SCUBE2: variants seen among roughly 807,000 people sequenced by gnomAD.
SCUBE2 encodes signal peptide, CUB domain and EGF like domain containing 2.
A neutral mutation model predicts 125.9 loss-of-function variants in SCUBE2; 114 were observed. The observed-to-expected ratio is 0.91, with a 90% CI of 0.78 to 1.06. The LOEUF (loss-of-function observed/expected upper bound fraction) is 1.06, where lower values mean the gene tolerates loss of function less well. Ranked by LOEUF, SCUBE2 falls within the 50% of genes least tolerant of loss-of-function variation. The pLI, the probability that SCUBE2 is intolerant of heterozygous loss-of-function variation, is 0.00. For synonymous variants in SCUBE2, 459 were observed against 492.9 expected (o/e 0.93, Z 0.91); for missense variants, 1,255 against 1,301.8 (o/e 0.96, Z 0.55).
intron 7 of SCUBE2, chr11:9,064,578 G>C (rs1432410117): frequency 6.6e-6 from 1 of 152,034 alleles, no homozygotes; most frequent in Non-Finnish European, 1.5e-5. Context: ...TCGAAGAATT[G>C]ACTATTGTTG....
chr11:9,061,755 T>C (rs1859709261), intron 7 of SCUBE2, among the ~76,000 whole-genome samples: 1 of 152,118 alleles, frequency 6.6e-6, no homozygotes, highest in South Asian at 2.1e-4. Context: ...AGATAAAAGA[T>C]GTCAAACATT....
intron 2 of SCUBE2, among the ~76,000 whole-genome samples, chr11:9,085,967 G>C (rs1019407303): frequency 6.6e-6 from 1 of 151,942 alleles, no homozygotes; most frequent in Admixed American, 6.5e-5. Flanking sequence ...GGAGTAGCTA[G>C]TACTATAGGC....
rs1589979053 is a variant in SCUBE2 at position 9,021,937 on chromosome 11, A to G, written c.2873T>C (p.Ile958Thr). Residue 958 changes from isoleucine (I) to threonine (T), a missense_variant, in exon 22 of 23, where the codon ATT (isoleucine) becomes ACT (threonine). This residue lies in a region of SCUBE2 where 515 missense variants were observed against 515.7 expected (regional missense o/e 1.00). Coordinates refer to ENST00000649792, the MANE Select transcript of SCUBE2 (RefSeq NM_001367977.2). ...VTYDEDYQELIEDIVRDGRLY... is the reference protein window; with the variant it reads ...VTYDEDYQELTEDIVRDGRLY... ...CCTGCCATCTCGAACTATGTCTTCA[A>G]TGAGTTCCTGGTAGTCCTCTGTTGG... 3.1e-6 allele frequency: 5 copies of G among 1,613,560 alleles called. No individual in the cohort carries two copies. The highest frequency in any genetic ancestry group is 4.2e-6 in the Non-Finnish European group (5 of 1,179,440).
intron 7 of SCUBE2, chr11:9,064,847 G>C (rs1486428929): frequency 6.6e-6 from 1 of 152,158 alleles, no homozygotes; most frequent in South Asian, 2.1e-4. Flanking sequence ...GGTTGAGCCA[G>C]ACTTTCTCCA....
chr11:9,081,263 A>G (rs1436410506), intron 2 of SCUBE2, among the ~76,000 whole-genome samples: 1 of 152,208 alleles, frequency 6.6e-6, no homozygotes, highest in Non-Finnish European at 1.5e-5. Context: ...TTGTGAAACC[A>G]TCACCACTAT....
At chr11:9,045,760 T>A (rs555343787) in intron 16 of SCUBE2, among the ~76,000 whole-genome samples, 15 of 152,112 alleles carry the variant, frequency 9.9e-5, no homozygotes, top group Non-Finnish European at 2.1e-4. Context: ...AGAGGGAATG[T>A]CACTGGTAAC....
Position 9,019,707 on chromosome 11 carries a change from G to A in SCUBE2, c.*1338C>T, listed in dbSNP as rs1413259599. 1.3e-5 allele frequency among the ~76,000 whole-genome samples: 2 copies of A among 152,154 alleles called. No homozygotes were observed. Among genetic ancestry groups the A allele is most frequent in the East Asian group, 3.8e-4 (2 of 5,196 alleles). On this transcript the variant is annotated 3_prime_UTR_variant, in exon 23 of 23. Coordinates refer to ENST00000649792, the MANE Select transcript of SCUBE2 (RefSeq NM_001367977.2). ...CTCTTTGTTTTCTTCAAAAATGCTT[G>A]TTAAACATTTTTTTAGTACTTTGGT...
chr11:9,033,736 T>C lies in SCUBE2; in HGVS notation c.2063A>G (p.Asn688Ser). 1.2e-6 allele frequency: 2 copies of C among 1,614,108 alleles called. No individual in the cohort carries two copies. Among genetic ancestry groups the C allele is most frequent in the Non-Finnish European group, 1.7e-6 (2 of 1,180,016 alleles). The change falls in exon 17 of 23, where the codon AAT (asparagine) becomes AGT (serine). Residue 688 changes from asparagine to serine, a missense_variant. By Grantham distance (46) the Asn-to-Ser change is conservative. This residue lies in a region of SCUBE2 where 515 missense variants were observed against 515.7 expected (regional missense o/e 1.00). Transcript: ENST00000649792. The part of the protein sequence containing the change: ...GARERCILCP[N>S]GTFQNEEGQM... Reference sequence around the variant, plus strand: ...TCCTTCCTCATTTTGGAAGGTTCCATTTGGACATAAAATGCAGCGTTCTCG... The same window carrying C: ...TCCTTCCTCATTTTGGAAGGTTCCACTTGGACATAAAATGCAGCGTTCTCG...
chr11:9,081,559 C>T (rs543612416), intron 2 of SCUBE2, among the ~76,000 whole-genome samples: 154 of 152,068 alleles, frequency 1.0e-3, no homozygotes, highest in Non-Finnish European at 2.0e-3. Context: ...TTATATCATG[C>T]CTGTAATCTC....
chr11:9,031,108 C>T lies in SCUBE2; in HGVS notation c.2174-183G>A, dbSNP rs184906199. ...ACCCTGAGTCAATGGCACATGAGTG[C>T]CTGCTGTTTACACACAGGGCTACAC... On this transcript the variant is annotated intron_variant, in intron 17 of 22. Transcript: ENST00000649792. 4.8e-4 allele frequency: 277 copies of T among 581,284 alleles called. 2 individuals are homozygous for T. Among genetic ancestry groups the T allele is most frequent in the Non-Finnish European group, 5.0e-4 (166 of 328,966 alleles). 36.0% of individuals were successfully genotyped at this position (581,284 alleles called of 1,614,324 possible).
chr11:9,065,822 C>A (rs896948680), intron 7 of SCUBE2, 69 bp downstream of exon 7: 18 of 1,363,672 alleles, frequency 1.3e-5, no homozygotes, highest in Non-Finnish European at 1.8e-5. Context: ...AAGTTCAGGT[C>A]TGATGCAATA....
Position 9,020,313 on chromosome 11 carries a change from C to G in SCUBE2, c.*732G>C. 6.6e-6 allele frequency: 1 copy of G among 152,480 alleles called. No individual in the cohort carries two copies. Among genetic ancestry groups the G allele is most frequent in the South Asian group, 2.1e-4 (1 of 4,832 alleles). 9.4% of individuals were successfully genotyped at this position (152,480 alleles called of 1,614,324 possible). A position where few individuals can be genotyped will look rare whatever the true frequency, so the allele number is the denominator to read the frequency against. Reference sequence around the variant, plus strand: ...GTGTCAGAGGGCACAGCTGAAGGTGCGAGAGTCAGCATAGTGCATTTGCTG... The same window carrying G: ...GTGTCAGAGGGCACAGCTGAAGGTGGGAGAGTCAGCATAGTGCATTTGCTG... On this transcript the variant is annotated 3_prime_UTR_variant, in exon 23 of 23. Coordinates refer to ENST00000649792, the MANE Select transcript of SCUBE2 (RefSeq NM_001367977.2).
At chr11:9,022,580 C>A (rs560342456) in intron 21 of SCUBE2, 1 of 152,594 alleles carries the variant, frequency 6.6e-6, no homozygotes, top group Non-Finnish European at 1.5e-5. Flanking sequence ...TAAATCCCAA[C>A]GGCCAGTTCT....
At chr11:9,066,333 G>A (rs940019235) in intron 6 of SCUBE2, among the ~76,000 whole-genome samples, 1 of 152,220 alleles carries the variant, frequency 6.6e-6, no homozygotes, top group Non-Finnish European at 1.5e-5. Context: ...GGCAAGGCAG[G>A]CATCCCGCCA....
At chr11:9,025,302 C>A (rs192024621) in intron 21 of SCUBE2, among the ~76,000 whole-genome samples, 8 of 152,288 alleles carry the variant, frequency 5.3e-5, no homozygotes, top group African/African-American at 1.7e-4. Flanking sequence ...TTGCTATGTG[C>A]CAGGCACTGC....
intron 16 of SCUBE2, among the ~76,000 whole-genome samples, chr11:9,035,418 A>T (rs1168924721): frequency 1.3e-5 from 2 of 152,238 alleles, no homozygotes; most frequent in Admixed American, 6.5e-5. Context: ...AAGGGAAAAA[A>T]GTTATTTAAC....
intron 17 of SCUBE2, 118 bp from the exon 18 acceptor site, chr11:9,031,043 CTCAG>C (rs1856258979): frequency 1.2e-5 from 11 of 895,008 alleles, no homozygotes; most frequent in African/African-American, 3.4e-5. Context: ...CAGTTCCCAC[CTCAG>C]TCAGAGAGCA....
intron 2 of SCUBE2, 134 bp from the exon 3 acceptor site, chr11:9,079,643 C>T (rs755672282): frequency 1.9e-5 from 17 of 894,368 alleles, no homozygotes; most frequent in Non-Finnish European, 2.7e-5. Context: ...AACAAATACG[C>T]ACAAGGTTAT....
chr11:9,019,575 C>T lies in SCUBE2; in HGVS notation c.*1470G>A, dbSNP rs868382790. On this transcript the variant is annotated 3_prime_UTR_variant, in exon 23 of 23. Transcript: ENST00000649792. ...GAAATCTGAAAATGAATATTTAGGG[C>T]CCATCCAAATAAAGAAGTTTGATTA... is the stretch of plus-strand genomic sequence containing the variant. 3.3e-5 allele frequency among the ~76,000 whole-genome samples: 5 copies of T among 151,564 alleles called. No individual in the cohort carries two copies. The highest frequency in any genetic ancestry group is 5.9e-5 in the Non-Finnish European group (4 of 67,918).
Sources: allele counts gnomAD v4.1 joint callset (sites outside exome capture counted in the v4.1 genomes callset), GRCh38; gene constraint gnomAD v4.1.1; regional missense constraint gnomAD v4.1.1; transcripts MANE v1.5; gene names NCBI Gene and HGNC (gene_info 2026-07-23, HGNC 2026-07-21).